DENND1A: variants seen among roughly 807,000 people sequenced by gnomAD.
The protein encoded by DENND1A is DENN domain containing 1A, also known as DENN domain-containing protein 1A.
A neutral mutation model predicts 113.7 loss-of-function variants in DENND1A; 51 were observed. That is an observed-to-expected ratio of 0.45 (90% CI 0.36 to 0.57). DENND1A has a LOEUF of 0.57. DENND1A is among the 20% of genes least tolerant of loss of function. DENND1A has a pLI of 0.00. For synonymous variants in DENND1A, 565 were observed against 570.8 expected, an observed-to-expected ratio of 0.99 and a Z score of 0.14; for missense variants, 1,258 against 1,395.9, an observed-to-expected ratio of 0.90 and a Z score of 1.57.
At chr9:123,603,804 G>T (rs570089451) in intron 11 of DENND1A, among the ~76,000 whole-genome samples, 3 of 152,130 alleles carry the variant, frequency 2.0e-5, no homozygotes, top group Non-Finnish European at 4.4e-5. Context: ...CTAATACTTC[G>T]AAGAAAGCCA....
intron 13 of DENND1A, among the ~76,000 whole-genome samples, chr9:123,546,585 G>T (rs2056717129): frequency 6.6e-6 from 1 of 151,772 alleles, no homozygotes; most frequent in Admixed American, 6.6e-5. Context: ...TATCTCTATT[G>T]TGCAACACTG....
chr9:123,424,011 C>T, intron 19 of DENND1A, among the ~76,000 whole-genome samples: 1 of 152,158 alleles, frequency 6.6e-6, no homozygotes. Context: ...CATAACATTC[C>T]ACACCCTAGG....
chr9:123,869,702 TCAAGAATCA>T (rs1309049499), intron 2 of DENND1A, among the ~76,000 whole-genome samples: 5 of 152,124 alleles, frequency 3.3e-5, no homozygotes, highest in Non-Finnish European at 7.4e-5. Flanking sequence ...AACTATAGTA[TCAAGAATCA>T]GGGTCCAGGC....
At position 123,381,920 on chromosome 9, in the gene DENND1A, C is replaced by A; in HGVS notation, c.2725G>T (p.Val909Phe). ...MPAAPPTLPL[V>F]STPAGPFGAP... ...CCGAAAGGCCCGGCTGGTGTGGAGA[C>A]CAGGGGCAGGGTGGGTGGGGCTGCT... is the stretch of plus-strand genomic sequence containing the variant. Residue 909 changes from valine to phenylalanine, a missense_variant, in exon 24 of 24, where the codon GTC (valine) becomes TTC (phenylalanine). By Grantham distance (50) the Val-to-Phe change is conservative (BLOSUM62 -1). This residue lies in a region of DENND1A where 1,159 missense variants were observed against 1,231.7 expected (regional missense o/e 0.94). Coordinates refer to ENST00000394215, the MANE Select transcript of DENND1A (RefSeq NM_001352964.2). The surrounding 1 kb of genome is among the most constrained non-coding windows in gnomAD (Gnocchi z 4.7). 1 of 852,274 alleles carries A rather than the reference C, an allele frequency of 1.2e-6. No homozygotes were observed. The highest frequency in any genetic ancestry group is 6.1e-5 in the East Asian group (1 of 16,326). The allele number at this position is 852,274 out of a possible 1,614,324, so 52.8% of individuals were successfully genotyped here.
chr9:123,673,054 G>A (rs747296162), intron 6 of DENND1A, among the ~76,000 whole-genome samples: 12 of 152,182 alleles, frequency 7.9e-5, no homozygotes, highest in Non-Finnish European at 1.8e-4. Flanking sequence ...GTATGGCCTT[G>A]ACGATGAGAC....
chr9:123,842,766 T>A (rs1275396577), intron 2 of DENND1A, among the ~76,000 whole-genome samples: 2 of 152,178 alleles, frequency 1.3e-5, no homozygotes, highest in African/African-American at 4.8e-5. Flanking sequence ...TTCCAATTCA[T>A]TCTATAAGGC....
intron 2 of DENND1A, among the ~76,000 whole-genome samples, chr9:123,813,527 T>A (rs889231931): frequency 4.7e-5 from 7 of 150,206 alleles, no homozygotes; most frequent in East Asian, 1.9e-4. Flanking sequence ...AAAAAAAAAA[T>A]TAGGGAAAAG....
At chr9:123,595,630 T>C (rs1208208753) in intron 11 of DENND1A, among the ~76,000 whole-genome samples, 1 of 152,152 alleles carries the variant, frequency 6.6e-6, no homozygotes, top group African/African-American at 2.4e-5. Flanking sequence ...CCTGGCCTTT[T>C]CACTTACCAG....
chr9:123,583,171 C>T lies in DENND1A; in HGVS notation c.865G>A (p.Val289Met), dbSNP rs1564762467. ...FDDLQSLPND[V>M]ISSLKNRLKK... ...ATCCTCGCAAGCTCATTACCTACCA[C>T]GTCGTTTGGGAGGCTCTGGAGGTCA... The change falls in exon 12 of 24, where the codon GTG becomes ATG. Residue 289 changes from valine (V) to methionine (M), a missense_variant and splice_region_variant. This residue lies in a region of DENND1A where 1,159 missense variants were observed against 1,231.7 expected (regional missense o/e 0.94). Transcript: ENST00000394215. 5 of 1,607,032 alleles carry T rather than the reference C, an allele frequency of 3.1e-6. No individual in the cohort carries two copies. Among genetic ancestry groups the T allele is most frequent in the Admixed American group, 1.7e-5 (1 of 59,470 alleles).
chr9:123,485,989 T>C (rs1564579537), intron 13 of DENND1A, among the ~76,000 whole-genome samples: 1 of 152,196 alleles, frequency 6.6e-6, no homozygotes, highest in Non-Finnish European at 1.5e-5. Flanking sequence ...TTGATTCCCC[T>C]GGATCTTCAG....
chr9:123,498,560 A>G (rs2052155189), intron 13 of DENND1A, among the ~76,000 whole-genome samples: 1 of 152,230 alleles, frequency 6.6e-6, no homozygotes, highest in South Asian at 2.1e-4. Context: ...TTTCTTATGA[A>G]AAGAGTTTCA....
chr9:123,903,923 A>C (rs796345337), intron 1 of DENND1A, among the ~76,000 whole-genome samples: 4 of 152,160 alleles, frequency 2.6e-5, no homozygotes, highest in South Asian at 4.1e-4. Flanking sequence ...GGGGAAGGGC[A>C]CAGACAAACA....
chr9:123,652,183 A>G (rs2062695700), intron 8 of DENND1A, 60 bp from the exon 9 acceptor site: 2 of 1,305,530 alleles, frequency 1.5e-6, no homozygotes, highest in African/African-American at 1.5e-5. Flanking sequence ...TTATAACTGT[A>G]TCTAATAAGA....
intron 22 of DENND1A, among the ~76,000 whole-genome samples, chr9:123,386,823 G>C (rs1432920643): frequency 6.6e-6 from 1 of 152,180 alleles, no homozygotes; most frequent in African/African-American, 2.4e-5. Flanking sequence ...GGGTTTATAA[G>C]GTCCCCAGAG....
intron 3 of DENND1A, 89 bp downstream of exon 3, chr9:123,792,498 A>T: frequency 7.3e-7 from 1 of 1,366,968 alleles, no homozygotes; most frequent in Non-Finnish European, 1.0e-6. Context: ...AAATTCATTT[A>T]TCTCTTTCAG....
chr9:123,500,277 A>G (rs937799666), intron 13 of DENND1A, among the ~76,000 whole-genome samples: 1 of 152,224 alleles, frequency 6.6e-6, no homozygotes, highest in Non-Finnish European at 1.5e-5. Flanking sequence ...CAGAGAAGAC[A>G]GATACAAAAG....
intron 13 of DENND1A, among the ~76,000 whole-genome samples, chr9:123,530,100 G>C (rs538309786): frequency 6.6e-6 from 1 of 152,114 alleles, no homozygotes; most frequent in Non-Finnish European, 1.5e-5. Context: ...GGGAAATGCC[G>C]ACATGTTTAT....
chr9:123,420,623 G>A (rs1156786150), intron 19 of DENND1A, among the ~76,000 whole-genome samples: 1 of 152,182 alleles, frequency 6.6e-6, no homozygotes, highest in Non-Finnish European at 1.5e-5. Context: ...ATCTCAGACT[G>A]GTCCTGAAGA....
At chr9:123,690,778 A>G (rs2065141480) in intron 5 of DENND1A, among the ~76,000 whole-genome samples, 1 of 152,226 alleles carries the variant, frequency 6.6e-6, no homozygotes, top group East Asian at 1.9e-4. Context: ...GATTGGTCAG[A>G]GAGAATAGAA....
Sources: gnomAD v4.1 joint callset for allele counts (sites outside exome capture counted in the v4.1 genomes callset) on GRCh38, gnomAD v4.1.1 for gene constraint, gnomAD v4.1.1 regional missense constraint, Gnocchi (gnomAD v3.1) non-coding constraint, MANE v1.5 for transcripts, NCBI Gene and HGNC (gene_info 2026-07-23, HGNC 2026-07-21) for gene names.